SAMTOR: variants seen among roughly 807,000 people sequenced by gnomAD.
SAMTOR encodes UPF0532 protein C7orf60.
At chr7:112,840,209 T>C in the SAMTOR span, among the ~76,000 whole-genome samples, 1 of 151,934 alleles carries the variant, frequency 6.6e-6, no homozygotes, top group Non-Finnish European at 1.5e-5. Flanking sequence ...GAACTGGTTT[T>C]AGATTTTTCC....
chr7:112,842,853 T>C, the SAMTOR span, among the ~76,000 whole-genome samples: 8 of 152,012 alleles, frequency 5.3e-5, no homozygotes, highest in African/African-American at 1.9e-4. Context: ...TAAGTGATCT[T>C]AACTGATACA....
chr7:112,884,653 G>A, the SAMTOR span, among the ~76,000 whole-genome samples: 3 of 152,202 alleles, frequency 2.0e-5, no homozygotes, highest in Admixed American at 2.0e-4. Flanking sequence ...ACAGCCTTGG[G>A]CAGCTCCACC....
chr7:112,933,513 T>G, the SAMTOR span, among the ~76,000 whole-genome samples: 1 of 152,216 alleles, frequency 6.6e-6, no homozygotes, highest in African/African-American at 2.4e-5. Flanking sequence ...CATTAACTCA[T>G]TCAGTTATCT....
the SAMTOR span, among the ~76,000 whole-genome samples, chr7:112,894,179 G>T: frequency 6.6e-6 from 1 of 151,740 alleles, no homozygotes; most frequent in Non-Finnish European, 1.5e-5. Flanking sequence ...GAGAGAAGAG[G>T]GGGAGGGGGA....
At chr7:112,933,903 T>C in the SAMTOR span, among the ~76,000 whole-genome samples, 1 of 152,164 alleles carries the variant, frequency 6.6e-6, no homozygotes, top group Non-Finnish European at 1.5e-5. Context: ...AAACATGATA[T>C]ATACTTATTA....
chr7:112,935,966 G>C, the SAMTOR span, among the ~76,000 whole-genome samples: 15 of 151,986 alleles, frequency 9.9e-5, no homozygotes, highest in African/African-American at 3.4e-4. Context: ...TATTTGTCAG[G>C]CTCATCTAAT....
the SAMTOR span, among the ~76,000 whole-genome samples, chr7:112,863,390 G>A: frequency 6.6e-6 from 1 of 152,156 alleles, no homozygotes; most frequent in Admixed American, 6.5e-5. Flanking sequence ...ACTTCGTGAT[G>A]AAGATGCTAA....
At chr7:112,939,044 T>C in the SAMTOR span, among the ~76,000 whole-genome samples, 1 of 152,148 alleles carries the variant, frequency 6.6e-6, no homozygotes, top group African/African-American at 2.4e-5. Context: ...TCCAGTCAGC[T>C]AAAAGGCCTG....
At chr7:112,843,518 A>T in the SAMTOR span, among the ~76,000 whole-genome samples, 7 of 151,916 alleles carry the variant, frequency 4.6e-5, no homozygotes, top group African/African-American at 1.7e-4. Flanking sequence ...CTAAATTTTA[A>T]TTGGAGTGAA....
chr7:112,851,314 A>G, the SAMTOR span, among the ~76,000 whole-genome samples: 1 of 152,152 alleles, frequency 6.6e-6, no homozygotes, highest in African/African-American at 2.4e-5. Flanking sequence ...CAAGGCTATA[A>G]TAACAAAAAC....
chr7:112,917,464 A>G, the SAMTOR span, among the ~76,000 whole-genome samples: 15 of 152,218 alleles, frequency 9.9e-5, no homozygotes, highest in Non-Finnish European at 1.9e-4. Context: ...CCATCATCAC[A>G]GACCAAAAGT....
At chr7:112,894,303 A>G in the SAMTOR span, among the ~76,000 whole-genome samples, 1 of 152,178 alleles carries the variant, frequency 6.6e-6, no homozygotes, top group Non-Finnish European at 1.5e-5. Context: ...TATATGGTTG[A>G]TAATAAGTTC....
At chr7:112,929,751 A>T in the SAMTOR span, among the ~76,000 whole-genome samples, 1 of 152,094 alleles carries the variant, frequency 6.6e-6, no homozygotes, top group African/African-American at 2.4e-5. Flanking sequence ...AAGAAGTATG[A>T]GAAAATTTTG....
At chr7:112,827,774 T>G in the SAMTOR span, among the ~76,000 whole-genome samples, 1 of 152,190 alleles carries the variant, frequency 6.6e-6, no homozygotes, top group Admixed American at 6.5e-5. Context: ...CAGGCTGGAG[T>G]GCAGTGGCAC....
the SAMTOR span, among the ~76,000 whole-genome samples, chr7:112,902,433 A>C: frequency 2.1e-3 from 235 of 112,254 alleles, 10 homozygotes; most frequent in Middle Eastern, 8.5e-3. Flanking sequence ...AAAAAACAAA[A>C]AAAAACAAAA....
At chr7:112,892,846 T>C in the SAMTOR span, among the ~76,000 whole-genome samples, 1 of 152,064 alleles carries the variant, frequency 6.6e-6, no homozygotes, top group African/African-American at 2.4e-5. Flanking sequence ...AGAATGGACG[T>C]TGTATTAGCA....
chr7:112,842,956 C>T, the SAMTOR span, among the ~76,000 whole-genome samples: 55,632 of 151,838 alleles, frequency 0.37, 12,410 homozygotes, highest in African/African-American at 0.63. Flanking sequence ...ACTAAAACTA[C>T]AGAAAAGTGC....
At chr7:112,832,752 T>C in the SAMTOR span, 2 of 991,578 alleles carry the variant, frequency 2.0e-6, no homozygotes, top group African/African-American at 1.6e-5. Flanking sequence ...GTTCTTTAAC[T>C]TTTTGGTCTC....
the SAMTOR span, among the ~76,000 whole-genome samples, chr7:112,924,785 A>C: frequency 6.7e-6 from 1 of 150,206 alleles, no homozygotes; most frequent in Non-Finnish European, 1.5e-5. Flanking sequence ...AATCATAATA[A>C]ATTATGATTT....
Sources: allele counts gnomAD v4.1 joint callset (sites outside exome capture counted in the v4.1 genomes callset), GRCh38; gene constraint gnomAD v4.1.1; transcripts MANE v1.5; gene names NCBI Gene and HGNC (gene_info 2026-07-23, HGNC 2026-07-21).